Variants in PCDH11X observed in about 807,000 individuals in gnomAD.
PCDH11X encodes the protein protocadherin 11 X-linked.
PCDH11X carries 18 observed loss-of-function variants against 53.3 expected under a neutral mutation model. The ratio of observed to expected loss-of-function variants is 0.34; its 90% CI spans 0.23 to 0.50. The LOEUF (loss-of-function observed/expected upper bound fraction) is 0.50, where lower values mean the gene tolerates loss of function less well. Ranked by LOEUF, PCDH11X falls within the 20% of genes least tolerant of loss-of-function variation. PCDH11X has a pLI of 0.98. For synonymous variants in PCDH11X, 279 were observed against 393.3 expected, an observed-to-expected ratio of 0.71 and a Z score of 3.44; for missense variants, 570 against 1,032.4, an observed-to-expected ratio of 0.55 and a Z score of 6.14.
intron 10 of PCDH11X, chrX:92,515,204 C>T (rs1256117160): frequency 9.2e-6 from 1 of 108,661 alleles, no homozygotes; most frequent in African/African-American, 3.3e-5. Flanking sequence ...GCATATTTTT[C>T]GTTTATTTAC....
rs2067642329 is a variant in PCDH11X at position 92,258,374 on chromosome X, T to C, written c.3115-4740T>C. On this transcript the variant is annotated intron_variant, in intron 7 of 10. Coordinates refer to ENST00000682573, the MANE Select transcript of PCDH11X (RefSeq NM_032968.5). ...TTTTAGTTATGCAAATTTCTTTTTT[T>C]TTTTTTTTTTTGAGACAGAGTCTTG... 6.5e-5 allele frequency among the ~76,000 whole-genome samples: 7 copies of C among 107,007 alleles called. No homozygotes were observed. In the South Asian group the frequency reaches 3.0e-3, roughly 46 times the overall value. 92.9% of individuals were successfully genotyped at this position (107,007 alleles called of 115,157 possible). A position where few individuals can be genotyped will look rare whatever the true frequency, so the allele number is the denominator to read the frequency against.
chrX:92,272,204 C>T (rs1025308767), intron 8 of PCDH11X, among the ~76,000 whole-genome samples: 7 of 111,644 alleles, frequency 6.3e-5, no homozygotes, highest in Non-Finnish European at 9.4e-5. Flanking sequence ...TAAAGTTAGC[C>T]GGGGTTGCTG....
chrX:91,824,808 A>T (rs986948754), intron 4 of PCDH11X, among the ~76,000 whole-genome samples: 17 of 107,891 alleles, frequency 1.6e-4, no homozygotes, highest in Non-Finnish European at 2.5e-4. Context: ...TTGTGGTTTT[A>T]TCTACTTTTG....
chrX:92,181,482 G>A (rs1044985426), intron 6 of PCDH11X, among the ~76,000 whole-genome samples: 2 of 111,818 alleles, frequency 1.8e-5, no homozygotes, highest in African/African-American at 6.5e-5. Flanking sequence ...AATTAATGAG[G>A]AGCCAAATGT....
intron 6 of PCDH11X, among the ~76,000 whole-genome samples, chrX:92,059,441 A>G (rs1055917122): frequency 4.4e-4 from 49 of 110,910 alleles, no homozygotes; most frequent in Non-Finnish European, 1.1e-4. Flanking sequence ...ATTTTTCAGT[A>G]TACCATATTG....
At chrX:92,413,472 ATAT>A (rs1437376572) in intron 9 of PCDH11X, among the ~76,000 whole-genome samples, 2 of 72,686 alleles carry the variant, frequency 2.8e-5, no homozygotes, top group Non-Finnish European at 4.9e-5. Context: ...AAGGAATCAA[ATAT>A]TATTATTATT....
intron 6 of PCDH11X, among the ~76,000 whole-genome samples, chrX:91,940,450 A>C (rs1431422172): frequency 3.6e-5 from 4 of 111,913 alleles, no homozygotes; most frequent in Non-Finnish European, 7.5e-5. Flanking sequence ...TAATAGCATA[A>C]AAGTTTGGAA....
At chrX:92,279,164 T>C (rs2068188624) in intron 8 of PCDH11X, among the ~76,000 whole-genome samples, 1 of 112,279 alleles carries the variant, frequency 8.9e-6, no homozygotes, top group Non-Finnish European at 1.9e-5. Flanking sequence ...TCTGTTCAAA[T>C]AGCATTCTCC....
At position 92,618,255 on chromosome X, in the gene PCDH11X, C is replaced by G; in HGVS notation, c.3368-9C>G. On this transcript the variant is annotated splice_polypyrimidine_tract_variant and intron_variant, in intron 10 of 10. Coordinates refer to ENST00000682573, the MANE Select transcript of PCDH11X (RefSeq NM_032968.5). ...ATAAATTTTATTATTTTTTTCCTCA[C>G]CCCAACAGCTGCAGAAATAACTGTT... 8.4e-7 allele frequency: 1 copy of G among 1,193,655 alleles called. No homozygotes were observed. Among genetic ancestry groups the G allele is most frequent in the Non-Finnish European group, 1.1e-6 (1 of 885,992 alleles).
chrX:92,073,458 A>C (rs186588037), intron 6 of PCDH11X, among the ~76,000 whole-genome samples: 2 of 112,615 alleles, frequency 1.8e-5, no homozygotes, highest in African/African-American at 6.4e-5. Context: ...TGAGAGAGAC[A>C]ATTCTCATTC....
At chrX:92,317,198 A>G (rs1292432174) in intron 8 of PCDH11X, among the ~76,000 whole-genome samples, 66 of 88,819 alleles carry the variant, frequency 7.4e-4, no homozygotes, top group African/African-American at 2.4e-3. Flanking sequence ...TTGGAGTAAC[A>G]TTTGCATTCA....
intron 6 of PCDH11X, among the ~76,000 whole-genome samples, chrX:92,189,419 A>G (rs757155180): frequency 8.9e-6 from 1 of 111,938 alleles, no homozygotes; most frequent in East Asian, 2.8e-4. Flanking sequence ...ATAGTGTTCC[A>G]TGGTGTATAT....
At chrX:92,030,708 T>C (rs2063036356) in intron 6 of PCDH11X, among the ~76,000 whole-genome samples, 1 of 107,943 alleles carries the variant, frequency 9.3e-6, no homozygotes, top group Non-Finnish European at 1.9e-5. Context: ...ATTGTTTTCA[T>C]TTATAGATCC....
intron 8 of PCDH11X, among the ~76,000 whole-genome samples, chrX:92,283,022 T>C (rs1190528635): frequency 9.0e-6 from 1 of 111,009 alleles, no homozygotes; most frequent in African/African-American, 3.3e-5. Flanking sequence ...CCAAGAAGTA[T>C]GTGAAGCTGG....
intron 7 of PCDH11X, among the ~76,000 whole-genome samples, chrX:92,230,257 C>T (rs999963636): frequency 7.6e-5 from 8 of 105,326 alleles, no homozygotes; most frequent in African/African-American, 2.7e-4. Context: ...GAGCTATTTT[C>T]CTCATATAAT....
At chrX:91,913,829 C>T (rs1300326222) in intron 6 of PCDH11X, among the ~76,000 whole-genome samples, 7 of 110,207 alleles carry the variant, frequency 6.4e-5, no homozygotes, top group Non-Finnish European at 1.1e-4. Flanking sequence ...GACAGAATAA[C>T]CCTGATCCCA....
chrX:92,541,105 C>G (rs1281200047), intron 10 of PCDH11X, among the ~76,000 whole-genome samples: 1 of 109,901 alleles, frequency 9.1e-6, no homozygotes, highest in African/African-American at 3.3e-5. Flanking sequence ...CCCAGCCTAG[C>G]GCTTGGAGTT....
chrX:92,297,666 T>C (rs2068635689), intron 8 of PCDH11X, among the ~76,000 whole-genome samples: 1 of 111,804 alleles, frequency 8.9e-6, no homozygotes, highest in Non-Finnish European at 1.9e-5. Flanking sequence ...AAAATAGCTT[T>C]TCTAATTCTG....
At chrX:92,467,767 C>T (rs1465630175) in intron 9 of PCDH11X, among the ~76,000 whole-genome samples, 1 of 111,250 alleles carries the variant, frequency 9.0e-6, no homozygotes, top group Non-Finnish European at 1.9e-5. Context: ...GTTTCTTAAA[C>T]CATGATAAGA....
Sources: allele counts gnomAD v4.1 joint callset (sites outside exome capture counted in the v4.1 genomes callset), GRCh38; gene constraint gnomAD v4.1.1; transcripts MANE v1.5; gene names NCBI Gene and HGNC (gene_info 2026-07-23, HGNC 2026-07-21).